Variants in DRAM1 observed in about 807,000 individuals in gnomAD.
DRAM1 encodes the protein DNA damage regulated autophagy modulator 1.
Under a neutral mutation model 28.5 loss-of-function variants are expected in DRAM1, and 25 were observed. That is an observed-to-expected ratio of 0.88 (90% CI 0.64 to 1.23). The LOEUF (loss-of-function observed/expected upper bound fraction) is 1.23. DRAM1 is among the 50% of genes most tolerant of loss of function. The pLI is 0.00. For synonymous variants in DRAM1, 113 were observed against 114.2 expected (o/e 0.99, Z 0.07); for missense variants, 249 against 299.2 (o/e 0.83, Z 1.24).
intron 3 of DRAM1, among the ~76,000 whole-genome samples, chr12:101,907,687 C>T (rs533095506): frequency 9.9e-5 from 15 of 152,100 alleles, no homozygotes; most frequent in Non-Finnish European, 1.6e-4. Context: ...TGCAGTGAGC[C>T]GAGTTCATGT....
chr12:101,879,127 T>A (rs1338473809), intron 1 of DRAM1, among the ~76,000 whole-genome samples: 1 of 152,100 alleles, frequency 6.6e-6, no homozygotes, highest in Non-Finnish European at 1.5e-5. Context: ...CCCAAGTAGC[T>A]GAGATTACAG....
intron 3 of DRAM1, among the ~76,000 whole-genome samples, chr12:101,906,627 G>A (rs1268302207): frequency 2.6e-5 from 4 of 152,054 alleles, no homozygotes; most frequent in African/African-American, 9.7e-5. Flanking sequence ...GCTGAGGTGG[G>A]TGGATCACCT....
Position 101,877,768 on chromosome 12 carries a change from C to T in DRAM1, c.-22C>T, listed in dbSNP as rs188979919. 3,934 of 1,477,038 alleles carry T rather than the reference C, an allele frequency of 2.7e-3. 85 individuals carry two copies. In the African/African-American group the frequency reaches 0.047, roughly 18 times the overall value. 91.5% of individuals were successfully genotyped at this position (1,477,038 alleles called of 1,614,324 possible). On this transcript the variant is annotated 5_prime_UTR_variant, in exon 1 of 7. Coordinates refer to ENST00000258534, the MANE Select transcript of DRAM1 (RefSeq NM_018370.3). The surrounding 1 kb of genome is among the most constrained non-coding windows in gnomAD (Gnocchi z 4.1). ...CCCGGCCCCGCTGGGCGCAGCACTC[C>T]GTCGGCGGCGGCGGCGGCGCGATGC...
At chr12:101,886,927 C>G (rs549552546) in intron 1 of DRAM1, among the ~76,000 whole-genome samples, 3 of 152,266 alleles carry the variant, frequency 2.0e-5, no homozygotes, top group African/African-American at 7.2e-5. Flanking sequence ...GGGCGGATCA[C>G]TTGAGGTCAG....
chr12:101,887,532 C>CTTT (rs574383974), intron 1 of DRAM1, among the ~76,000 whole-genome samples: 7 of 143,836 alleles, frequency 4.9e-5, no homozygotes, highest in Admixed American at 6.9e-5. Flanking sequence ...AGACTTTTTT[C>CTTT]TTTTTCTTTT....
intron 6 of DRAM1, among the ~76,000 whole-genome samples, chr12:101,920,422 G>C (rs11111083): frequency 6.6e-6 from 1 of 151,276 alleles, no homozygotes; most frequent in East Asian, 1.9e-4. Flanking sequence ...ATGTGTTTGA[G>C]AAAAATCTGT....
At chr12:101,896,605 T>C (rs1385992268) in intron 1 of DRAM1, among the ~76,000 whole-genome samples, 1 of 149,974 alleles carries the variant, frequency 6.7e-6, no homozygotes. Context: ...CTCTAAAAAA[T>C]AAAAAAAAAG....
At chr12:101,882,267 C>T (rs2121005923) in intron 1 of DRAM1, among the ~76,000 whole-genome samples, 1 of 150,918 alleles carries the variant, frequency 6.6e-6, no homozygotes, top group East Asian at 2.1e-4. Context: ...CGCCACCCCT[C>T]CCGGCTAATT....
At chr12:101,907,198 T>G (rs1235860599) in intron 3 of DRAM1, among the ~76,000 whole-genome samples, 1 of 49,384 alleles carries the variant, frequency 2.0e-5, no homozygotes, top group Non-Finnish European at 3.3e-5. Context: ...AGACCCTGTC[T>G]CAAAAAAAAA....
intron 1 of DRAM1, among the ~76,000 whole-genome samples, chr12:101,893,942 T>A (rs1342282584): frequency 1.1e-4 from 17 of 151,838 alleles, no homozygotes; most frequent in Admixed American, 2.6e-4. Context: ...TTAATTAATT[T>A]ATTTTTGAGA....
intron 2 of DRAM1, among the ~76,000 whole-genome samples, chr12:101,899,492 C>T (rs1449594423): frequency 6.6e-6 from 1 of 151,634 alleles, no homozygotes; most frequent in Non-Finnish European, 1.5e-5. Context: ...CTCATCTCTA[C>T]AAAAAGTTAA....
At chr12:101,890,370 G>A (rs1873066766) in intron 1 of DRAM1, 7 of 173,166 alleles carry the variant, frequency 4.0e-5, no homozygotes, top group South Asian at 3.6e-4. Flanking sequence ...GAGAACCACC[G>A]AGCCCGGCCC....
At position 101,901,375 on chromosome 12, in the gene DRAM1, T is replaced by C; in HGVS notation, c.284T>C (p.Val95Ala). ...TTCAGCACTCCTGTTTTTAACTTGG[T>C]GTCTTTAGTGCTTGGATTGGTGGGA... ...CYFSTPVFNL[V>A]SLVLGLVGCF... is the part of the protein sequence containing the mutation. Residue 95 changes from valine (V) to alanine (A), a missense_variant, in exon 3 of 7, where the codon GTG becomes GCG. By Grantham distance (64) the Val-to-Ala change is moderately conservative. Coordinates refer to ENST00000258534, the MANE Select transcript of DRAM1 (RefSeq NM_018370.3). The C allele has an allele frequency of 6.2e-7, 1 of 1,614,122 alleles. No individual in the cohort carries two copies. The highest frequency in any genetic ancestry group is 1.3e-5 in the African/African-American group (1 of 75,016).
chr12:101,911,611 G>T (rs1404444434), intron 4 of DRAM1, among the ~76,000 whole-genome samples: 1 of 152,088 alleles, frequency 6.6e-6, no homozygotes, highest in African/African-American at 2.4e-5. Context: ...TAGAGCTGTT[G>T]GTTCAACATG....
At chr12:101,888,342 G>T (rs1049779409) in intron 1 of DRAM1, among the ~76,000 whole-genome samples, 1 of 151,882 alleles carries the variant, frequency 6.6e-6, no homozygotes, top group Admixed American at 6.6e-5. Flanking sequence ...TGTTGGTTAG[G>T]CTGGTCTCGA....
intron 3 of DRAM1, among the ~76,000 whole-genome samples, chr12:101,903,007 G>A (rs1024553241): frequency 6.6e-6 from 1 of 151,152 alleles, no homozygotes; most frequent in Non-Finnish European, 1.5e-5. Context: ...TGCAACCTCC[G>A]CCCCGGGTTC....
Position 101,877,934 on chromosome 12 carries a change from T to C in DRAM1, c.131+14T>C, listed in dbSNP as rs769926945. 8 of 1,517,196 alleles carry C rather than the reference T, an allele frequency of 5.3e-6. No individual in the cohort carries two copies. The highest frequency in any genetic ancestry group is 7.1e-6 in the Non-Finnish European group (8 of 1,127,288). The allele number at this position is 1,517,196 out of a possible 1,614,324, so 94.0% of individuals were successfully genotyped here. On this transcript the variant is annotated intron_variant, in intron 1 of 6. Coordinates refer to ENST00000258534, the MANE Select transcript of DRAM1 (RefSeq NM_018370.3). The surrounding 1 kb of genome is among the most constrained non-coding windows in gnomAD (Gnocchi z 4.1). ...CCCGTATATCAGGTGAGTGGCAGGG[T>C]GGGCGTCAGGGCCCCAGGAGCAGGC...
At chr12:101,878,117 C>T (rs1381198032) in intron 1 of DRAM1, among the ~76,000 whole-genome samples, 197 bp downstream of exon 1, 1 of 152,140 alleles carries the variant, frequency 6.6e-6, no homozygotes, top group African/African-American at 2.4e-5. Context: ...GCACTTCTGC[C>T]TGTACCCGGA....
intron 4 of DRAM1, among the ~76,000 whole-genome samples, chr12:101,910,466 T>C (rs936433329): frequency 6.6e-6 from 1 of 151,396 alleles, no homozygotes; most frequent in Non-Finnish European, 1.5e-5. Flanking sequence ...CTAATAATTC[T>C]CATTTCTAGA....
Sources: gnomAD v4.1 joint callset for allele counts (sites outside exome capture counted in the v4.1 genomes callset) on GRCh38, gnomAD v4.1.1 for gene constraint, Gnocchi (gnomAD v3.1) non-coding constraint, MANE v1.5 for transcripts, NCBI Gene and HGNC (gene_info 2026-07-23, HGNC 2026-07-21) for gene names.